MESD: variants seen among roughly 807,000 people sequenced by gnomAD.
The protein encoded by MESD is LRP chaperone MESD.
A neutral mutation model predicts 12.9 loss-of-function variants in MESD; 7 were observed. The ratio of observed to expected loss-of-function variants is 0.54; its 90% CI spans 0.31 to 1.02. MESD has a LOEUF of 1.02. Among genes scored for constraint, MESD ranks in the 50% least tolerant of loss-of-function variants. MESD has a pLI of 0.05. For synonymous variants in MESD, 126 were observed against 115.6 expected (o/e 1.09, Z -0.58); for missense variants, 342 against 296.7 (o/e 1.15, Z -1.12).
chr15:80,979,334 C>T lies in MESD; in HGVS notation c.590G>A (p.Ser197Asn). ...TTGCTTTGTTTTATTTTTCTCTTTG[C>T]TTCCTCCTCCTTTGCCGGGGTACAC... ...GQVYPGKGGG[S>N]KEKNKTKQDK... is the part of the protein sequence containing the mutation. The change falls in exon 3 of 3, where the codon AGC becomes AAC. Residue 197 changes from serine (S) to asparagine (N), a missense_variant. By Grantham distance (46) the Ser-to-Asn change is conservative. Transcript: ENST00000261758. 1 of 1,614,130 alleles carries T rather than the reference C, an allele frequency of 6.2e-7. No individual in the cohort carries two copies. Among genetic ancestry groups the T allele is most frequent in the Non-Finnish European group, 8.5e-7 (1 of 1,180,032 alleles).
At chr15:80,974,966 C>A (rs1439320365), downstream of MESD, among the ~76,000 whole-genome samples, 3 of 150,732 alleles carry the variant, frequency 2.0e-5, no homozygotes, top group South Asian at 6.3e-4. Flanking sequence ...GTTACAAAAT[C>A]CCCCAAAACA....
chr15:80,986,037 CT>C (rs1425364610), intron 1 of MESD, among the ~76,000 whole-genome samples: 1 of 151,190 alleles, frequency 6.6e-6, no homozygotes, highest in Non-Finnish European at 1.5e-5. Context: ...TTTCAAGAGA[CT>C]TAAAAAAAAA....
intron 4 of MESD, chr15:80,950,690 C>T (rs1334323264): frequency 6.6e-6 from 1 of 152,658 alleles, no homozygotes. Context: ...TTGGGTCCAC[C>T]CCAGTCCCTT....
chr15:80,962,164 A>G (rs995423531), intron 3 of MESD, among the ~76,000 whole-genome samples: 1 of 152,246 alleles, frequency 6.6e-6, no homozygotes, highest in Non-Finnish European at 1.5e-5. Flanking sequence ...AGCAAATGGA[A>G]AGCGAAAAAC....
At chr15:80,985,750 CA>C (rs1351279060) in intron 1 of MESD, among the ~76,000 whole-genome samples, 1 of 148,990 alleles carries the variant, frequency 6.7e-6, no homozygotes, top group Non-Finnish European at 1.5e-5. Flanking sequence ...CTGCCAGGCT[CA>C]AGTGATCTTC....
intron 2 of MESD, 23 bp from the exon 3 acceptor site, chr15:80,979,500 G>T (rs375669906): frequency 1.2e-5 from 19 of 1,610,032 alleles, no homozygotes; most frequent in Non-Finnish European, 1.4e-5. Context: ...GATGCAATCA[G>T]TCAGCCAGCA....
At chr15:80,982,708 A>T (rs1426694336) in intron 1 of MESD, among the ~76,000 whole-genome samples, 1 of 152,220 alleles carries the variant, frequency 6.6e-6, no homozygotes, top group Non-Finnish European at 1.5e-5. Flanking sequence ...GAGAATGGAC[A>T]CAAGAGAACT....
chr15:80,952,858 AT>A (rs1901876201), intron 3 of MESD: 1 of 400,018 alleles, frequency 2.5e-6, no homozygotes, highest in Non-Finnish European at 5.0e-6. Context: ...GTCAACAAAT[AT>A]TTTTGCACCC....
exon 5 of MESD, chr15:80,948,865 C>T (rs1261048050): frequency 2.5e-6 from 4 of 1,614,082 alleles, no homozygotes; most frequent in African/African-American, 1.3e-5. Flanking sequence ...CACTGAGGAT[C>T]ACAAAGCCAA....
intron 4 of MESD, chr15:80,950,406 A>G (rs1240155503): frequency 6.6e-6 from 1 of 152,284 alleles, no homozygotes; most frequent in Non-Finnish European, 1.5e-5. Flanking sequence ...GAAGGAAAGG[A>G]AATGACTAGA....
At position 80,976,250 on chromosome 15, in the gene MESD, C is replaced by A. The variant is rs1488102311; in HGVS notation, c.*2969G>T. ...AACTGATCCACCCACCTCGGCCTCC[C>A]AAAGTACTGGGATTACAGGCGTGAG... On this transcript the variant is annotated 3_prime_UTR_variant, in exon 3 of 3. Coordinates refer to ENST00000261758, the MANE Select transcript of MESD (RefSeq NM_015154.3). The A allele has an allele frequency of 6.6e-6, 1 of 152,454 alleles. No homozygotes were observed. Among genetic ancestry groups the A allele is most frequent in the East Asian group, 1.9e-4 (1 of 5,188 alleles). The allele number at this position is 152,454 out of a possible 1,614,324, so 9.4% of individuals were successfully genotyped here. A position where few individuals can be genotyped will look rare whatever the true frequency, so the allele number is the denominator to read the frequency against.
chr15:80,963,934 C>T (rs1192574733), intron 3 of MESD, among the ~76,000 whole-genome samples: 1 of 152,194 alleles, frequency 6.6e-6, no homozygotes, highest in Non-Finnish European at 1.5e-5. Flanking sequence ...AGGATGCCCT[C>T]TTTCACCACT....
intron 3 of MESD, among the ~76,000 whole-genome samples, chr15:80,964,085 T>C (rs1354540707): frequency 6.6e-6 from 1 of 152,214 alleles, no homozygotes; most frequent in Non-Finnish European, 1.5e-5. Context: ...ATCCCCATTG[T>C]CTCAGCCCAA....
At chr15:80,957,900 G>A (rs57448075) in intron 3 of MESD, among the ~76,000 whole-genome samples, 3,485 of 142,184 alleles carry the variant, frequency 0.025, 136 homozygotes, top group African/African-American at 0.084. Context: ...TATTAGGGAG[G>A]GCCATCTGCT....
At chr15:80,984,169 G>A (rs997346340) in intron 1 of MESD, among the ~76,000 whole-genome samples, 3 of 152,052 alleles carry the variant, frequency 2.0e-5, no homozygotes, top group African/African-American at 7.2e-5. Flanking sequence ...AAAGTGCTGG[G>A]ATTACAGGCA....
At chr15:80,957,632 C>T (rs1031269982) in intron 3 of MESD, among the ~76,000 whole-genome samples, 2 of 151,798 alleles carry the variant, frequency 1.3e-5, no homozygotes, top group Non-Finnish European at 2.9e-5. Context: ...ACGAAATTGG[C>T]TCATGCAATT....
At chr15:80,953,896 C>T (rs1246003875) in intron 3 of MESD, among the ~76,000 whole-genome samples, 1 of 152,096 alleles carries the variant, frequency 6.6e-6, no homozygotes, top group African/African-American at 2.4e-5. Flanking sequence ...GTTCCCATAC[C>T]CACAGGCACA....
At chr15:80,956,410 T>C (rs145203220) in intron 3 of MESD, among the ~76,000 whole-genome samples, 12 of 152,240 alleles carry the variant, frequency 7.9e-5, no homozygotes, top group Non-Finnish European at 1.3e-4. Context: ...AAGGAACATG[T>C]CTACAGAAAA....
chr15:80,961,644 C>A (rs1298396187), intron 3 of MESD, among the ~76,000 whole-genome samples: 1 of 152,108 alleles, frequency 6.6e-6, no homozygotes, highest in Admixed American at 6.5e-5. Flanking sequence ...CAGAAATGCA[C>A]AAGAATTTGT....
Sources: allele counts gnomAD v4.1 joint callset (sites outside exome capture counted in the v4.1 genomes callset), GRCh38; gene constraint gnomAD v4.1.1; transcripts MANE v1.5; gene names NCBI Gene and HGNC (gene_info 2026-07-23, HGNC 2026-07-21).